ARHGAP42: variants seen among roughly 807,000 people sequenced by gnomAD.
ARHGAP42 encodes the protein rho GTPase-activating protein 42.
A neutral mutation model predicts 125.0 loss-of-function variants in ARHGAP42; 63 were observed. The observed-to-expected ratio is 0.50, with a 90% confidence interval of 0.41 to 0.62. The LOEUF is 0.62. ARHGAP42 is among the 20% of genes least tolerant of loss of function. The pLI is 0.00. For missense variants in ARHGAP42, 766 were observed against 1,024.2 expected (o/e 0.75, Z 3.44); for synonymous variants, 339 against 351.0 (o/e 0.97, Z 0.38).
intron 3 of ARHGAP42, among the ~76,000 whole-genome samples, chr11:100,844,177 A>C (rs1865009075): frequency 6.6e-6 from 1 of 152,050 alleles, no homozygotes; most frequent in Non-Finnish European, 1.5e-5. Context: ...TTGACAAAGC[A>C]AACAAAAACA....
chr11:100,723,887 G>C (rs1365864357), intron 1 of ARHGAP42, among the ~76,000 whole-genome samples: 2 of 152,020 alleles, frequency 1.3e-5, no homozygotes, highest in East Asian at 3.9e-4. Flanking sequence ...ATTAGCTGTA[G>C]GTTTTTGGTA....
chr11:100,924,868 C>A (rs907746850), intron 6 of ARHGAP42, among the ~76,000 whole-genome samples: 3 of 151,936 alleles, frequency 2.0e-5, no homozygotes, highest in African/African-American at 4.8e-5. Flanking sequence ...CGCCCTGTTG[C>A]CCAGGCTGGA....
intron 1 of ARHGAP42, among the ~76,000 whole-genome samples, chr11:100,699,648 A>G (rs1861364486): frequency 6.8e-6 from 1 of 147,326 alleles, no homozygotes; most frequent in South Asian, 2.2e-4. Flanking sequence ...TCAGCCTCCC[A>G]AGCAGCTGGG....
chr11:100,813,245 T>C (rs1337092904), intron 3 of ARHGAP42, among the ~76,000 whole-genome samples: 1 of 152,176 alleles, frequency 6.6e-6, no homozygotes, highest in Admixed American at 6.5e-5. Flanking sequence ...CATTGTAGGA[T>C]GTTTAGCAAT....
At chr11:100,894,681 C>T (rs1591274582) in intron 4 of ARHGAP42, among the ~76,000 whole-genome samples, 1 of 152,150 alleles carries the variant, frequency 6.6e-6, no homozygotes, top group South Asian at 2.1e-4. Flanking sequence ...TCAATGCCAG[C>T]ACCATTTGCT....
chr11:100,992,730 T>C lies in ARHGAP42; in HGVS notation c.*3929T>C. Reference sequence around the variant, plus strand: ...CTTTTAGAGGATCAAATCAATAAATTGGATTTTTTATTTTTTGAGGGCAGC... The same window carrying C: ...CTTTTAGAGGATCAAATCAATAAATCGGATTTTTTATTTTTTGAGGGCAGC... On this transcript the variant is annotated 3_prime_UTR_variant, in exon 24 of 24. Coordinates refer to ENST00000298815, the MANE Select transcript of ARHGAP42 (RefSeq NM_152432.4). The C allele has an allele frequency of 6.5e-7, 1 of 1,530,572 alleles. No homozygotes were observed. Among genetic ancestry groups the C allele is most frequent in the South Asian group, 1.3e-5 (1 of 76,234 alleles). The allele number at this position is 1,530,572 out of a possible 1,614,324, so 94.8% of individuals were successfully genotyped here.
intron 2 of ARHGAP42, among the ~76,000 whole-genome samples, chr11:100,792,781 C>A (rs1268034783): frequency 6.8e-6 from 1 of 146,372 alleles, no homozygotes; most frequent in Non-Finnish European, 1.5e-5. Context: ...GAGACCGAGT[C>A]TCTCTCTGTC....
chr11:100,806,655 A>G (rs539521005), intron 3 of ARHGAP42, among the ~76,000 whole-genome samples: 30 of 152,048 alleles, frequency 2.0e-4, no homozygotes, highest in Non-Finnish European at 3.2e-4. Context: ...TGATTTTCAC[A>G]TTTACTGAAT....
intron 2 of ARHGAP42, among the ~76,000 whole-genome samples, chr11:100,778,284 G>T (rs1355084496): frequency 6.6e-6 from 1 of 151,862 alleles, no homozygotes; most frequent in African/African-American, 2.4e-5. Flanking sequence ...AACCACAGCT[G>T]AACTCTTCTA....
At chr11:100,941,723 C>T in intron 8 of ARHGAP42, 61 bp from the exon 9 acceptor site, 1 of 1,063,214 alleles carries the variant, frequency 9.4e-7, no homozygotes, top group Non-Finnish European at 1.3e-6. Flanking sequence ...GGAGAATGTG[C>T]AAACTTTGAT....
intron 6 of ARHGAP42, among the ~76,000 whole-genome samples, chr11:100,923,297 C>A (rs1210019594): frequency 2.6e-5 from 4 of 152,190 alleles, no homozygotes; most frequent in Non-Finnish European, 5.9e-5. Flanking sequence ...CCATCTGAGA[C>A]TCCATTAATT....
chr11:100,737,701 G>T lies in ARHGAP42; in HGVS notation c.155-32642G>T, dbSNP rs145889402. Among the ~76,000 whole-genome samples the T allele has an allele frequency of 8.9e-3, 1,355 of 152,244 alleles. 12 individuals are homozygous for T. The highest frequency in any genetic ancestry group is 0.02 in the Middle Eastern group (6 of 294). On this transcript the variant is annotated intron_variant, in intron 1 of 23. Transcript: ENST00000298815. ...GCCCAGCAATTGCCCTTGAATAGAT[G>T]CTGACTTATTTGTTGAATGAATGAA...
intron 6 of ARHGAP42, among the ~76,000 whole-genome samples, chr11:100,924,522 C>G (rs1206762822): frequency 6.6e-6 from 1 of 151,788 alleles, no homozygotes; most frequent in African/African-American, 2.4e-5. Context: ...CAAAAATTAG[C>G]TGGGCATGGG....
intron 12 of ARHGAP42, among the ~76,000 whole-genome samples, chr11:100,958,465 G>A (rs1857865509): frequency 6.6e-6 from 1 of 151,840 alleles, no homozygotes; most frequent in African/African-American, 2.4e-5. Context: ...ACTTATTTTA[G>A]TTTTGACATT....
At chr11:100,773,998 C>A (rs911581327) in intron 2 of ARHGAP42, among the ~76,000 whole-genome samples, 2 of 152,130 alleles carry the variant, frequency 1.3e-5, no homozygotes, top group African/African-American at 4.8e-5. Context: ...AAACTTAGAG[C>A]AAAATGACTT....
chr11:100,936,355 C>T, intron 8 of ARHGAP42, 23 bp downstream of exon 8: 2 of 1,551,298 alleles, frequency 1.3e-6, no homozygotes, highest in Non-Finnish European at 1.7e-6. Flanking sequence ...GACATAATTT[C>T]ACGTCTCTTA....
chr11:100,927,365 C>CTGTAGGACT (rs1195465235), intron 6 of ARHGAP42, among the ~76,000 whole-genome samples: 1 of 152,020 alleles, frequency 6.6e-6, no homozygotes, highest in Non-Finnish European at 1.5e-5. Flanking sequence ...TTTCGAAACT[C>CTGTAGGACT]TGTAGGACTA....
intron 4 of ARHGAP42, among the ~76,000 whole-genome samples, chr11:100,874,993 G>A (rs1182959671): frequency 4.0e-5 from 6 of 151,432 alleles, no homozygotes; most frequent in Non-Finnish European, 5.9e-5. Context: ...GGTGATTTTT[G>A]TTTCCATCCT....
At chr11:100,746,230 G>A (rs1169680891) in intron 1 of ARHGAP42, among the ~76,000 whole-genome samples, 1 of 152,196 alleles carries the variant, frequency 6.6e-6, no homozygotes, top group Non-Finnish European at 1.5e-5. Flanking sequence ...TCCAAGGAAC[G>A]CTAAGTTTCC....
Sources: gnomAD v4.1 joint callset for allele counts (sites outside exome capture counted in the v4.1 genomes callset) on GRCh38, gnomAD v4.1.1 for gene constraint, MANE v1.5 for transcripts, NCBI Gene and HGNC (gene_info 2026-07-23, HGNC 2026-07-21) for gene names.